The following NVL variants were observed in gnomAD, a reference collection of about 807,000 sequenced individuals.
The protein encoded by NVL is nuclear VCP like.
In NVL, 84 loss-of-function variants were observed where a neutral mutation model predicts 110.2. That is an observed-to-expected ratio of 0.76 (90% CI 0.64 to 0.91). NVL has a LOEUF of 0.91. Among genes scored for constraint, NVL ranks in the 40% least tolerant of loss-of-function variants. NVL has a pLI of 0.00. For missense variants in NVL, 882 were observed against 1,035.9 expected, an observed-to-expected ratio of 0.85 and a Z score of 2.04; for synonymous variants, 354 against 361.1, an observed-to-expected ratio of 0.98 and a Z score of 0.22.
chr1:224,261,795 G>T (rs986043037), intron 18 of NVL, among the ~76,000 whole-genome samples: 2 of 143,220 alleles, frequency 1.4e-5, no homozygotes, highest in African/African-American at 5.1e-5. Flanking sequence ...CTACAAAAAA[G>T]TTTTTTTTTT....
chr1:224,303,776 G>A lies in NVL; in HGVS notation c.907C>T (p.Leu303Phe). 1 of 1,613,684 alleles carries A rather than the reference G, an allele frequency of 6.2e-7. No homozygotes were observed. Among genetic ancestry groups the A allele is most frequent in the Non-Finnish European group, 8.5e-7 (1 of 1,179,814 alleles). Residue 303 changes from leucine to phenylalanine, a missense_variant, in exon 9 of 23, where the codon CTT becomes TTT. Around this residue, in one of 4 missense-constraint regions of NVL, gnomAD observed 416 missense variants for 499.3 expected, o/e 0.83. Transcript: ENST00000281701. ...TTCCCACAGCCTGGTGGTCCATGAA[G>A]GAGAACTCCACGAGGGGGCACGACG... Reference protein sequence around the residue: ...LGVVPPRGVLLHGPPGCGKTL... With the variant: ...LGVVPPRGVLFHGPPGCGKTL...
intron 5 of NVL, among the ~76,000 whole-genome samples, chr1:224,310,581 A>G (rs1201226180): frequency 2.0e-5 from 3 of 152,214 alleles, no homozygotes; most frequent in African/African-American, 7.2e-5. Context: ...TAAATACTGG[A>G]AGGATGGTTA....
chr1:224,286,214 G>GT, intron 14 of NVL, 84 bp from the exon 15 acceptor site: 11 of 1,004,560 alleles, frequency 1.1e-5, no homozygotes, highest in South Asian at 3.1e-5. Flanking sequence ...CATATTTTAT[G>GT]GTTTTTTTTT....
chr1:224,258,595 T>C (rs1663563856), intron 18 of NVL, among the ~76,000 whole-genome samples: 1 of 152,076 alleles, frequency 6.6e-6, no homozygotes, highest in South Asian at 2.1e-4. Flanking sequence ...AATGCATACA[T>C]GAATGTTCAT....
chr1:224,279,955 G>T (rs1666154038), intron 16 of NVL, among the ~76,000 whole-genome samples: 1 of 152,002 alleles, frequency 6.6e-6, no homozygotes, highest in Non-Finnish European at 1.5e-5. Context: ...AAGTGCTGGG[G>T]ATTACAGGTG....
intron 19 of NVL, among the ~76,000 whole-genome samples, chr1:224,239,981 T>C (rs1354504537): frequency 6.6e-6 from 1 of 152,038 alleles, no homozygotes; most frequent in Non-Finnish European, 1.5e-5. Context: ...CACTGCAACT[T>C]ACGCCTCCCA....
intron 5 of NVL, among the ~76,000 whole-genome samples, chr1:224,311,424 T>C (rs1330666080): frequency 6.6e-6 from 1 of 151,072 alleles, no homozygotes; most frequent in Non-Finnish European, 1.5e-5. Flanking sequence ...AGTGGTGCAA[T>C]CACGGCTCAC....
At chr1:224,241,496 A>G (rs1236680255) in intron 19 of NVL, among the ~76,000 whole-genome samples, 1 of 152,168 alleles carries the variant, frequency 6.6e-6, no homozygotes, top group Non-Finnish European at 1.5e-5. Flanking sequence ...GAAATCTCAA[A>G]TAGGTTGGTA....
intron 18 of NVL, chr1:224,257,018 A>C (rs1269791713): frequency 1.9e-6 from 1 of 517,284 alleles, no homozygotes; most frequent in African/African-American, 1.9e-5. Flanking sequence ...CTATCTAATT[A>C]TGTCAGAGAC....
chr1:224,296,501 C>A lies in NVL; in HGVS notation c.1180G>T (p.Asp394Tyr). The part of the protein sequence containing the change: ...IVAQLLTCMD[D>Y]LNNVAATARV... Reference sequence around the variant, plus strand: ...AATGAATTTATTATTTTAAACTAACCATCCATGCAGGTTAGGAGTTGGGCT... The same window carrying A: ...AATGAATTTATTATTTTAAACTAACAATCCATGCAGGTTAGGAGTTGGGCT... The change falls in exon 11 of 23, where the codon GAT becomes TAT. Residue 394 changes from aspartate to tyrosine, a missense_variant and splice_region_variant. Around this residue, in one of 4 missense-constraint regions of NVL, gnomAD observed 416 missense variants for 499.3 expected, o/e 0.83. Coordinates refer to ENST00000281701, the MANE Select transcript of NVL (RefSeq NM_002533.4). 2.7e-6 allele frequency: 4 copies of A among 1,489,504 alleles called. No homozygotes were observed. The highest frequency in any genetic ancestry group is 3.6e-6 in the Non-Finnish European group (4 of 1,098,448). 92.3% of individuals were successfully genotyped at this position (1,489,504 alleles called of 1,614,324 possible).
At chr1:224,255,718 C>G (rs1663143417) in intron 18 of NVL, among the ~76,000 whole-genome samples, 1 of 152,142 alleles carries the variant, frequency 6.6e-6, no homozygotes, top group Non-Finnish European at 1.5e-5. Flanking sequence ...CTTATTGGCA[C>G]TTTTGAAGAG....
chr1:224,252,319 T>C (rs1439648329), intron 18 of NVL, among the ~76,000 whole-genome samples: 3 of 152,110 alleles, frequency 2.0e-5, no homozygotes, highest in Non-Finnish European at 4.4e-5. Context: ...GCAAGCCCCA[T>C]ACCTGAAGCT....
chr1:224,232,356 A>T (rs998650406), intron 21 of NVL, among the ~76,000 whole-genome samples: 48 of 151,952 alleles, frequency 3.2e-4, no homozygotes, highest in African/African-American at 1.2e-3. Flanking sequence ...GTCTCAAAAA[A>T]AATAAATAAA....
intron 2 of NVL, among the ~76,000 whole-genome samples, chr1:224,318,965 G>A (rs1303193478): frequency 6.6e-6 from 1 of 150,514 alleles, no homozygotes; most frequent in Non-Finnish European, 1.5e-5. Context: ...CTCCAGCCTG[G>A]GCGACAAAGC....
chr1:224,227,696 C>G, intron 22 of NVL, 26 bp from the exon 23 acceptor site: 1 of 1,602,782 alleles, frequency 6.2e-7, no homozygotes, highest in Non-Finnish European at 8.5e-7. Context: ...ACACAGAATA[C>G]AGAGACCGTC....
intron 1 of NVL, among the ~76,000 whole-genome samples, chr1:224,329,253 T>C (rs895397439): frequency 2.5e-4 from 38 of 151,884 alleles, no homozygotes; most frequent in African/African-American, 9.0e-4. Context: ...AATAAATACA[T>C]AGATAATAGA....
At chr1:224,326,616 A>G (rs557528588) in intron 1 of NVL, 152 bp from the exon 2 acceptor site, 1 of 569,334 alleles carries the variant, frequency 1.8e-6, no homozygotes, top group East Asian at 2.9e-5. Flanking sequence ...TAACCAAATA[A>G]TTGTCAAATA....
chr1:224,311,964 A>G (rs1669570201), intron 4 of NVL, 107 bp from the exon 5 acceptor site: 1 of 810,994 alleles, frequency 1.2e-6, no homozygotes, highest in East Asian at 2.5e-5. Flanking sequence ...TATGGTGGTT[A>G]AGAGTCCAAA....
At chr1:224,283,774 T>C (rs960944283) in intron 15 of NVL, among the ~76,000 whole-genome samples, 1 of 152,188 alleles carries the variant, frequency 6.6e-6, no homozygotes, top group African/African-American at 2.4e-5. Flanking sequence ...GCTATATTTT[T>C]CCAAAACTAT....
Sources: allele counts gnomAD v4.1 joint callset (sites outside exome capture counted in the v4.1 genomes callset), GRCh38; gene constraint gnomAD v4.1.1; regional missense constraint gnomAD v4.1.1; transcripts MANE v1.5; gene names NCBI Gene and HGNC (gene_info 2026-07-23, HGNC 2026-07-21).